SH2D4A: variants seen among roughly 807,000 people sequenced by gnomAD.
SH2D4A encodes the protein SH2 domain containing 4A.
SH2D4A carries 70 observed loss-of-function variants against 64.7 expected under a neutral mutation model. The ratio of observed to expected loss-of-function variants is 1.08; its 90% CI spans 0.89 to 1.32. The LOEUF (loss-of-function observed/expected upper bound fraction) is 1.32. SH2D4A is among the 40% of genes most tolerant of loss of function. SH2D4A has a pLI of 0.00. For missense variants in SH2D4A, 706 were observed against 540.1 expected, an observed-to-expected ratio of 1.31 and a Z score of -3.04; for synonymous variants, 268 against 200.7, an observed-to-expected ratio of 1.34 and a Z score of -2.83.
In SH2D4A at chr8:19,334,636, C is replaced by T. The variant is rs571620312; in HGVS notation, c.342-50C>T. 515 of 1,546,488 alleles carry T rather than the reference C, an allele frequency of 3.3e-4. 9 individuals carry two copies. The South Asian group carries it at 6.1e-3, about 18-fold the overall frequency. On this transcript the variant is annotated intron_variant, in intron 3 of 9. Coordinates refer to ENST00000265807, the MANE Select transcript of SH2D4A (RefSeq NM_022071.4). ...TGTCGACATATGCTTTGGAAAGGCT[C>T]TTCCTGTTGAAGAATGTTTTTTGAG...
intron 2 of SH2D4A, among the ~76,000 whole-genome samples, chr8:19,330,403 C>T (rs1256372457): frequency 2.0e-5 from 3 of 152,194 alleles, no homozygotes; most frequent in Non-Finnish European, 4.4e-5. Context: ...CAGCATCTCA[C>T]TAACTCTGAC....
chr8:19,355,524 T>A (rs1049230581), intron 4 of SH2D4A, among the ~76,000 whole-genome samples: 7 of 152,216 alleles, frequency 4.6e-5, no homozygotes, highest in Non-Finnish European at 7.3e-5. Flanking sequence ...TGCCAAGGAA[T>A]AAGCATTAGA....
chr8:19,322,728 G>C (rs1315004207), intron 2 of SH2D4A, among the ~76,000 whole-genome samples: 1 of 149,184 alleles, frequency 6.7e-6, no homozygotes, highest in Non-Finnish European at 1.5e-5. Flanking sequence ...CAGTGCAGTG[G>C]TGTGACATTT....
chr8:19,349,630 A>G (rs1394108373), intron 4 of SH2D4A, among the ~76,000 whole-genome samples: 2 of 152,226 alleles, frequency 1.3e-5, no homozygotes, highest in African/African-American at 2.4e-5. Context: ...AAGTTTCCCA[A>G]TCCATAAAAT....
At chr8:19,326,524 C>T (rs2052282806) in intron 2 of SH2D4A, among the ~76,000 whole-genome samples, 1 of 152,198 alleles carries the variant, frequency 6.6e-6, no homozygotes. Flanking sequence ...TCCCCTCTAC[C>T]TCATAGGAGG....
chr8:19,340,187 A>C (rs550195685), intron 4 of SH2D4A, among the ~76,000 whole-genome samples: 7 of 152,142 alleles, frequency 4.6e-5, no homozygotes, highest in Non-Finnish European at 7.4e-5. Flanking sequence ...GGAGGAACCA[A>C]AGGGGCCAGT....
chr8:19,362,806 T>TA (rs2052914129), intron 6 of SH2D4A, among the ~76,000 whole-genome samples: 1 of 151,930 alleles, frequency 6.6e-6, no homozygotes, highest in Non-Finnish European at 1.5e-5. Context: ...AAAATAATAA[T>TA]AAAACCCCAA....
At chr8:19,374,325 T>C (rs1003454359) in intron 8 of SH2D4A, among the ~76,000 whole-genome samples, 1 of 152,214 alleles carries the variant, frequency 6.6e-6, no homozygotes, top group African/African-American at 2.4e-5. Context: ...CCTCTGTTTC[T>C]TGGATCTCAA....
intron 4 of SH2D4A, among the ~76,000 whole-genome samples, chr8:19,340,372 A>G (rs1172971904): frequency 1.3e-5 from 2 of 152,084 alleles, no homozygotes; most frequent in African/African-American, 4.8e-5. Context: ...AAAAGGAGGG[A>G]TCATTCTTGC....
chr8:19,367,508 T>C (rs913418539), intron 7 of SH2D4A, among the ~76,000 whole-genome samples: 3 of 152,208 alleles, frequency 2.0e-5, no homozygotes, highest in African/African-American at 7.2e-5. Context: ...TGGGCATTTT[T>C]TTCGTACACC....
chr8:19,320,806 C>A (rs1291276238), intron 2 of SH2D4A, among the ~76,000 whole-genome samples: 1 of 152,102 alleles, frequency 6.6e-6, no homozygotes, highest in East Asian at 1.9e-4. Context: ...TTTTCAAGGT[C>A]ACTTGCAGAG....
intron 8 of SH2D4A, among the ~76,000 whole-genome samples, chr8:19,377,071 T>C (rs771513620): frequency 3.3e-5 from 5 of 152,236 alleles, no homozygotes; most frequent in Non-Finnish European, 7.3e-5. Context: ...ACTTCATATC[T>C]GTTTTTCTTA....
rs73667644 is a variant in SH2D4A, at chr8:19,344,386, C to T, written c.513+9529C>T. Among the ~76,000 whole-genome samples, 429 of 152,234 alleles carry T rather than the reference C, an allele frequency of 2.8e-3. 3 individuals carry two copies. The highest frequency in any genetic ancestry group is 9.8e-3 in the African/African-American group (409 of 41,548). On this transcript the variant is annotated intron_variant, in intron 4 of 9. Transcript: ENST00000265807. ...AGGGGCCAATCTTTGTACCTGGAGCCGCCTGCATTCCTTATGCTTTCCGAG... is the reference window on the plus strand; with the variant it reads ...AGGGGCCAATCTTTGTACCTGGAGCTGCCTGCATTCCTTATGCTTTCCGAG...
intron 4 of SH2D4A, among the ~76,000 whole-genome samples, chr8:19,343,956 C>T (rs779414286): frequency 2.6e-5 from 4 of 152,026 alleles, no homozygotes; most frequent in African/African-American, 9.7e-5. Context: ...CAGTCCTGGC[C>T]GGCGAAATGT....
chr8:19,372,610 G>A (rs1056112306), intron 7 of SH2D4A, among the ~76,000 whole-genome samples: 2 of 152,144 alleles, frequency 1.3e-5, no homozygotes, highest in South Asian at 4.1e-4. Context: ...ATAGTTCACT[G>A]ACTGCAGTGG....
chr8:19,372,165 T>TGTC (rs1318594009), intron 7 of SH2D4A, among the ~76,000 whole-genome samples: 1 of 152,216 alleles, frequency 6.6e-6, no homozygotes, highest in Non-Finnish European at 1.5e-5. Context: ...TATTTGTGCC[T>TGTC]GTCTTTCAGA....
intron 7 of SH2D4A, among the ~76,000 whole-genome samples, chr8:19,366,051 G>A (rs966620558): frequency 7.9e-5 from 12 of 152,016 alleles, no homozygotes; most frequent in Non-Finnish European, 1.5e-4. Flanking sequence ...TATGTCACAC[G>A]TAACTCAGAA....
At position 19,395,506 on chromosome 8, in the gene SH2D4A, A is replaced by AGAT. The variant is rs2153653037; in HGVS notation, c.*865_*867dup. The stretch of plus-strand genomic sequence containing the variant: ...CCTTGTTTGGAAATAGGGTCTTTGC[A>AGAT]GATATAGTCAAGATGAGGTCACATT... On this transcript the variant is annotated 3_prime_UTR_variant, in exon 10 of 10. Coordinates refer to ENST00000265807, the MANE Select transcript of SH2D4A (RefSeq NM_022071.4). The AGAT allele has an allele frequency of 6.6e-6, 1 of 152,298 alleles. No homozygotes were observed. Among genetic ancestry groups the AGAT allele is most frequent in the East Asian group, 1.9e-4 (1 of 5,174 alleles). The allele number at this position is 152,298 out of a possible 1,614,324, so 9.4% of individuals were successfully genotyped here.
rs1202282943 is a variant in SH2D4A at position 19,319,475 on chromosome 8, C to T, written c.-73C>T. On this transcript the variant is annotated 5_prime_UTR_variant, in exon 2 of 10. Coordinates refer to ENST00000265807, the MANE Select transcript of SH2D4A (RefSeq NM_022071.4). ...TCGTGGAAACGCCCAAGTGCCAGCA[C>T]AGGTGGAGGGACACCTGGAGGCCAG... is the stretch of plus-strand genomic sequence containing the variant. 1.4e-6 allele frequency: 2 copies of T among 1,383,764 alleles called. No homozygotes were observed. The highest frequency in any genetic ancestry group is 1.9e-6 in the Non-Finnish European group (2 of 1,063,266). 85.7% of individuals were successfully genotyped at this position (1,383,764 alleles called of 1,614,324 possible). A position where few individuals can be genotyped will look rare whatever the true frequency, so the allele number is the denominator to read the frequency against.
Sources: allele counts gnomAD v4.1 joint callset (sites outside exome capture counted in the v4.1 genomes callset), GRCh38; gene constraint gnomAD v4.1.1; transcripts MANE v1.5; gene names NCBI Gene and HGNC (gene_info 2026-07-23, HGNC 2026-07-21).